DGKB: variants seen among roughly 807,000 people sequenced by gnomAD.
The protein encoded by DGKB is 90 kDa diacylglycerol kinase.
In DGKB, 67 loss-of-function variants were observed where a neutral mutation model predicts 114.3. The ratio of observed to expected loss-of-function variants is 0.59; its 90% CI spans 0.48 to 0.72. DGKB has a LOEUF of 0.72. Ranked by LOEUF, DGKB falls within the 30% of genes least tolerant of loss-of-function variation. DGKB has a pLI of 0.00. For synonymous variants in DGKB, 398 were observed against 323.1 expected (o/e 1.23, Z -2.49); for missense variants, 907 against 975.2 (o/e 0.93, Z 0.93).
chr7:14,206,695 A>T (rs10950512), intron 23 of DGKB, among the ~76,000 whole-genome samples: 1 of 151,890 alleles, frequency 6.6e-6, no homozygotes, highest in Non-Finnish European at 1.5e-5. Context: ...ATACCCATAA[A>T]ATAGGAATAG....
intron 21 of DGKB, among the ~76,000 whole-genome samples, chr7:14,355,005 C>T (rs1814168741): frequency 6.6e-6 from 1 of 152,136 alleles, no homozygotes; most frequent in African/African-American, 2.4e-5. Flanking sequence ...CCCGAATAAC[C>T]TTCCTAGGCA....
intron 20 of DGKB, among the ~76,000 whole-genome samples, chr7:14,478,881 A>C (rs1207190301): frequency 6.6e-6 from 1 of 152,120 alleles, no homozygotes; most frequent in African/African-American, 2.4e-5. Flanking sequence ...TGAGACCCCA[A>C]GTGCATCGGT....
chr7:14,699,974 T>A (rs1453727599), intron 7 of DGKB, among the ~76,000 whole-genome samples: 2 of 151,306 alleles, frequency 1.3e-5, no homozygotes, highest in Non-Finnish European at 2.9e-5. Context: ...TAGTAAAGAA[T>A]CATCATTTTA....
chr7:14,544,383 T>C (rs1793957418), intron 20 of DGKB, among the ~76,000 whole-genome samples: 1 of 152,214 alleles, frequency 6.6e-6, no homozygotes, highest in Admixed American at 6.5e-5. Flanking sequence ...GAAGATGTTT[T>C]AATCAAAGGA....
chr7:14,750,123 A>G (rs752672022), intron 4 of DGKB: 1 of 518,368 alleles, frequency 1.9e-6, no homozygotes, highest in East Asian at 5.5e-5. Flanking sequence ...GGCTCAGAAA[A>G]GTTCCTTAAA....
Position 14,534,205 on chromosome 7 carries a change from G to A in DGKB, c.1770+40007C>T, listed in dbSNP as rs531817785. 2.6e-5 allele frequency among the ~76,000 whole-genome samples: 4 copies of A among 152,124 alleles called. No homozygotes were observed. In the South Asian group the frequency reaches 8.3e-4, roughly 32 times the overall value. ...TAAAAGTATAGAGGGCTCATATACAGTTAAAGAAAAGTTGTTATCAGCTAA... is the reference window on the plus strand; with the variant it reads ...TAAAAGTATAGAGGGCTCATATACAATTAAAGAAAAGTTGTTATCAGCTAA... On this transcript the variant is annotated intron_variant, in intron 20 of 25. Transcript: ENST00000402815.
At chr7:14,781,604 T>C (rs1253983375) in intron 2 of DGKB, among the ~76,000 whole-genome samples, 1 of 152,202 alleles carries the variant, frequency 6.6e-6, no homozygotes, top group Non-Finnish European at 1.5e-5. Context: ...AAGTCACATT[T>C]ACTTTGCAGT....
chr7:14,820,820 A>C (rs1293256078), intron 2 of DGKB, among the ~76,000 whole-genome samples: 1 of 152,162 alleles, frequency 6.6e-6, no homozygotes, highest in East Asian at 1.9e-4. Context: ...CAGAGACAGA[A>C]CTTTGAAAAA....
intron 2 of DGKB, among the ~76,000 whole-genome samples, chr7:14,787,548 T>C (rs1476192594): frequency 1.3e-5 from 2 of 152,096 alleles, no homozygotes; most frequent in Non-Finnish European, 2.9e-5. Flanking sequence ...GAAGAAAGGG[T>C]GATAGACGTA....
intron 25 of DGKB, among the ~76,000 whole-genome samples, chr7:14,167,114 G>A (rs2128231032): frequency 6.6e-6 from 1 of 150,546 alleles, no homozygotes; most frequent in South Asian, 2.1e-4. Flanking sequence ...GGGAGGCTGA[G>A]GCATGAGAAT....
intron 13 of DGKB, among the ~76,000 whole-genome samples, chr7:14,646,082 G>A (rs914326305): frequency 1.3e-5 from 2 of 152,140 alleles, no homozygotes; most frequent in African/African-American, 4.8e-5. Context: ...TGGCTGAATG[G>A]ATTAAAAAAC....
intron 20 of DGKB, among the ~76,000 whole-genome samples, chr7:14,529,941 G>A (rs1742929789): frequency 6.6e-6 from 1 of 151,628 alleles, no homozygotes; most frequent in African/African-American, 2.4e-5. Flanking sequence ...AATGCTATAA[G>A]TAGTAACTTA....
intron 21 of DGKB, among the ~76,000 whole-genome samples, chr7:14,441,580 AT>A (rs1830101263): frequency 6.6e-6 from 1 of 152,136 alleles, no homozygotes; most frequent in East Asian, 1.9e-4. Flanking sequence ...TCTCCTATAT[AT>A]TTTTGTAAAA....
intron 2 of DGKB, among the ~76,000 whole-genome samples, chr7:14,811,257 G>C (rs1843396038): frequency 6.6e-6 from 1 of 152,040 alleles, no homozygotes; most frequent in Non-Finnish European, 1.5e-5. Context: ...ACCTAGGCTG[G>C]AGTGCAGTGG....
intron 14 of DGKB, among the ~76,000 whole-genome samples, chr7:14,628,766 AT>A (rs1225548378): frequency 6.6e-6 from 1 of 152,096 alleles, no homozygotes; most frequent in African/African-American, 2.4e-5. Context: ...GCATATATCC[AT>A]GCATGGGCTT....
intron 21 of DGKB, among the ~76,000 whole-genome samples, chr7:14,477,557 G>A (rs1782367491): frequency 1.3e-5 from 2 of 152,110 alleles, no homozygotes; most frequent in South Asian, 2.1e-4. Flanking sequence ...CGGAACCAAG[G>A]CTTTCCTGTT....
At chr7:14,380,300 T>C (rs941816790) in intron 21 of DGKB, among the ~76,000 whole-genome samples, 7 of 151,794 alleles carry the variant, frequency 4.6e-5, no homozygotes, top group African/African-American at 1.2e-4. Flanking sequence ...TTATGCCTAA[T>C]TGAAAAAGGA....
chr7:14,627,525 A>G (rs1201778313), intron 14 of DGKB, among the ~76,000 whole-genome samples: 6 of 151,966 alleles, frequency 3.9e-5, no homozygotes, highest in Non-Finnish European at 5.9e-5. Context: ...AAATAATTCA[A>G]TTTTGGCTAT....
chr7:14,164,670 T>A (rs557050625), intron 25 of DGKB, among the ~76,000 whole-genome samples: 1 of 152,194 alleles, frequency 6.6e-6, no homozygotes, highest in Admixed American at 6.5e-5. Context: ...ACAATAATGA[T>A]GTTGCTACAT....
Sources: allele counts gnomAD v4.1 joint callset (sites outside exome capture counted in the v4.1 genomes callset), GRCh38; gene constraint gnomAD v4.1.1; transcripts MANE v1.5; gene names NCBI Gene and HGNC (gene_info 2026-07-23, HGNC 2026-07-21).